Variants in ZNF385D observed in about 807,000 individuals in gnomAD.
ZNF385D encodes zinc finger protein 659.
A neutral mutation model predicts 35.8 loss-of-function variants in ZNF385D; 15 were observed. That is an observed-to-expected ratio of 0.42 (90% CI 0.28 to 0.64). The LOEUF (loss-of-function observed/expected upper bound fraction) is 0.64, where lower values mean the gene tolerates loss of function less well. Ranked by LOEUF, ZNF385D falls within the 30% of genes least tolerant of loss-of-function variation. The probability of loss-of-function intolerance (pLI) is 0.23; values close to 1 mark genes in which losing one functional copy is unlikely to be tolerated. For synonymous variants in ZNF385D, 212 were observed against 186.8 expected (o/e 1.13, Z -1.10); for missense variants, 474 against 494.6 (o/e 0.96, Z 0.39).
chr3:22,005,825 T>C (rs1046475741), intron 3 of ZNF385D, among the ~76,000 whole-genome samples: 5 of 152,084 alleles, frequency 3.3e-5, no homozygotes, highest in Non-Finnish European at 5.9e-5. Context: ...TTTGTTCTAA[T>C]AGGCATTTGT....
Position 21,413,095 on chromosome 3 carries a change from A to T in ZNF385D, c.*8119T>A, listed in dbSNP as rs907810094. 3.9e-5 allele frequency: 6 copies of T among 152,028 alleles called. No individual in the cohort carries two copies. Among genetic ancestry groups the T allele is most frequent in the African/African-American group, 1.4e-4 (6 of 41,400 alleles). 9.4% of individuals were successfully genotyped at this position (152,028 alleles called of 1,614,324 possible). ...CAAAGGGTAGTTCTTTGGGTTTTTAATGAAAACAAATATAACAATAACATA... is the reference window on the plus strand; with the variant it reads ...CAAAGGGTAGTTCTTTGGGTTTTTATTGAAAACAAATATAACAATAACATA... On this transcript the variant is annotated 3_prime_UTR_variant, in exon 8 of 8. Transcript: ENST00000281523.
At chr3:22,262,910 C>T (rs1488738338) in intron 2 of ZNF385D, among the ~76,000 whole-genome samples, 10 of 151,978 alleles carry the variant, frequency 6.6e-5, no homozygotes, top group Non-Finnish European at 1.3e-4. Flanking sequence ...TCAACCCTTA[C>T]CCAGGCACAG....
At chr3:22,210,745 C>A (rs1215572488) in intron 2 of ZNF385D, among the ~76,000 whole-genome samples, 1 of 151,814 alleles carries the variant, frequency 6.6e-6, no homozygotes. Context: ...CCCTCTACAC[C>A]ATTTACACTT....
intron 1 of ZNF385D, among the ~76,000 whole-genome samples, chr3:21,729,255 A>G (rs2068892321): frequency 6.6e-6 from 1 of 152,198 alleles, no homozygotes. Flanking sequence ...ATAAGCAACG[A>G]AAATTTTAAA....
intron 2 of ZNF385D, among the ~76,000 whole-genome samples, chr3:22,274,473 C>T (rs761475498): frequency 1.3e-5 from 2 of 151,886 alleles, no homozygotes; most frequent in African/African-American, 4.8e-5. Context: ...GTATTAGGCT[C>T]TGAGGAAGCA....
At chr3:22,100,671 C>T (rs1367912713) in intron 3 of ZNF385D, among the ~76,000 whole-genome samples, 1 of 105,584 alleles carries the variant, frequency 9.5e-6, no homozygotes, top group Non-Finnish European at 1.8e-5. Context: ...ACATCACACT[C>T]TGGGAATGTT....
chr3:21,480,617 G>T (rs1704558965), intron 4 of ZNF385D, among the ~76,000 whole-genome samples: 1 of 151,984 alleles, frequency 6.6e-6, no homozygotes, highest in Non-Finnish European at 1.5e-5. Context: ...GATAAAGAGT[G>T]ATCTTTTTAC....
intron 2 of ZNF385D, among the ~76,000 whole-genome samples, chr3:21,663,178 C>A (rs1384994246): frequency 6.6e-6 from 1 of 151,986 alleles, no homozygotes; most frequent in Non-Finnish European, 1.5e-5. Context: ...GACTATCATA[C>A]CTTTTATTTT....
At chr3:22,305,196 G>A (rs1326988483) in intron 2 of ZNF385D, among the ~76,000 whole-genome samples, 1 of 152,050 alleles carries the variant, frequency 6.6e-6, no homozygotes, top group Admixed American at 6.6e-5. Flanking sequence ...AAAGCAGATG[G>A]TTTCTAAATG....
intron 3 of ZNF385D, among the ~76,000 whole-genome samples, chr3:21,785,976 AG>A (rs34625511): frequency 6.6e-6 from 1 of 151,904 alleles, no homozygotes; most frequent in African/African-American, 2.4e-5. Context: ...AAACAAAAGC[AG>A]GAAGTGTGGA....
chr3:21,962,643 A>G (rs1053196949), intron 3 of ZNF385D, among the ~76,000 whole-genome samples: 5 of 152,222 alleles, frequency 3.3e-5, no homozygotes, highest in African/African-American at 7.2e-5. Context: ...AATGTGGTCA[A>G]TATTTATGCT....
intron 2 of ZNF385D, among the ~76,000 whole-genome samples, chr3:22,247,323 T>C (rs1576558499): frequency 6.6e-6 from 1 of 152,062 alleles, no homozygotes; most frequent in Non-Finnish European, 1.5e-5. Context: ...GTAAAAATGG[T>C]ACAGTAGAAA....
chr3:22,212,126 G>A (rs1396719011), intron 2 of ZNF385D, among the ~76,000 whole-genome samples: 1 of 151,906 alleles, frequency 6.6e-6, no homozygotes. Flanking sequence ...TCCTTCAAAT[G>A]TCAAAAAGTT....
At chr3:21,863,441 T>C (rs1697167584) in intron 3 of ZNF385D, among the ~76,000 whole-genome samples, 1 of 152,184 alleles carries the variant, frequency 6.6e-6, no homozygotes, top group Non-Finnish European at 1.5e-5. Flanking sequence ...AAAATGCTCA[T>C]ATCGAAAGTT....
chr3:22,229,449 C>G lies in ZNF385D; in HGVS notation c.107-60414G>C, dbSNP rs539447431. Among the ~76,000 whole-genome samples the G allele has an allele frequency of 2.6e-5, 4 of 152,144 alleles. No individual in the cohort carries two copies. In the East Asian group the frequency reaches 7.8e-4, roughly 30 times the overall value. ...CCTTGTTGGCTGAAACTCAGGCACT[C>G]CAGGTTTTCAGCATTGATATTGTTG... On this transcript the variant is annotated intron_variant, in intron 2 of 5. Coordinates refer to the ZNF385D transcript ENST00000494108.
intron 4 of ZNF385D, among the ~76,000 whole-genome samples, chr3:21,500,314 C>T (rs2125436697): frequency 6.6e-6 from 1 of 152,154 alleles, no homozygotes; most frequent in South Asian, 2.1e-4. Flanking sequence ...AAAAATAATA[C>T]AGTACTATTT....
chr3:21,981,864 G>C (rs1694472640), intron 3 of ZNF385D, among the ~76,000 whole-genome samples: 2 of 152,072 alleles, frequency 1.3e-5, no homozygotes, highest in South Asian at 2.1e-4. Flanking sequence ...TTGACGATCA[G>C]ATGTTCATAG....
At chr3:21,748,594 A>G (rs1231980100) in intron 1 of ZNF385D, among the ~76,000 whole-genome samples, 2 of 152,228 alleles carry the variant, frequency 1.3e-5, no homozygotes. Flanking sequence ...ACAAGTCACC[A>G]GAAAAGCCTA....
chr3:21,541,487 T>TA (rs1332422992), intron 3 of ZNF385D, among the ~76,000 whole-genome samples: 1 of 152,094 alleles, frequency 6.6e-6, no homozygotes, highest in East Asian at 1.9e-4. Flanking sequence ...TAGGGCTCAG[T>TA]AAAAATTAGA....
Sources: allele counts gnomAD v4.1 joint callset (sites outside exome capture counted in the v4.1 genomes callset), GRCh38; gene constraint gnomAD v4.1.1; transcripts MANE v1.5; gene names NCBI Gene and HGNC (gene_info 2026-07-23, HGNC 2026-07-21).